Variants in ANTXR2 observed in about 807,000 individuals in gnomAD.
The protein encoded by ANTXR2 is ANTXR cell adhesion molecule 2.
In ANTXR2, 44 loss-of-function variants were observed where a neutral mutation model predicts 73.7. The ratio of observed to expected loss-of-function variants is 0.60; its 90% CI spans 0.47 to 0.77. The LOEUF (loss-of-function observed/expected upper bound fraction) is 0.77. Among genes scored for constraint, ANTXR2 ranks in the 30% least tolerant of loss-of-function variants. ANTXR2 has a pLI of 0.00. For missense variants in ANTXR2, 604 were observed against 592.5 expected, an observed-to-expected ratio of 1.02 and a Z score of -0.20; for synonymous variants, 217 against 205.9, an observed-to-expected ratio of 1.05 and a Z score of -0.46.
At chr4:79,962,204 G>GAAAC (rs1242273066) in intron 16 of ANTXR2, among the ~76,000 whole-genome samples, 2 of 151,998 alleles carry the variant, frequency 1.3e-5, no homozygotes, top group Non-Finnish European at 2.9e-5. Context: ...AACAGTTCAT[G>GAAAC]ATATACACAG....
At chr4:79,923,694 T>G (rs1353029375) in intron 16 of ANTXR2, among the ~76,000 whole-genome samples, 3 of 152,124 alleles carry the variant, frequency 2.0e-5, no homozygotes, top group Admixed American at 2.0e-4. Flanking sequence ...CATGTACACA[T>G]ATAATGAAGT....
rs1408467943 is a variant in ANTXR2 at position 79,926,528 on chromosome 4, T to C, written c.1429-19061A>G. ...AAGAAACATGAAAATGTAAAAAGAT[T>C]TGTAAAGACTTGCATATTAAAGTAA... On this transcript the variant is annotated intron_variant, in intron 16 of 16. Transcript: ENST00000403729. 2.0e-5 allele frequency among the ~76,000 whole-genome samples: 3 copies of C among 152,118 alleles called. No homozygotes were observed. In the East Asian group the frequency reaches 5.8e-4, roughly 29 times the overall value.
At chr4:79,977,416 G>A (rs1355907250) in intron 16 of ANTXR2, 5 of 1,034,608 alleles carry the variant, frequency 4.8e-6, no homozygotes, top group South Asian at 2.1e-5. Flanking sequence ...TCTTGAAAAG[G>A]GAATGGTGTA....
intron 16 of ANTXR2, among the ~76,000 whole-genome samples, chr4:79,973,566 T>A (rs569229924): frequency 1.3e-5 from 2 of 152,262 alleles, no homozygotes; most frequent in South Asian, 4.1e-4. Flanking sequence ...TAGCTGGGAC[T>A]ACAGGTGTGC....
chr4:80,055,861 C>T, intron 4 of ANTXR2, 71 bp downstream of exon 4: 1 of 1,144,980 alleles, frequency 8.7e-7, no homozygotes, highest in South Asian at 1.5e-5. Flanking sequence ...CTGAGCTTTG[C>T]TAGAGGGTTT....
chr4:79,932,519 G>C (rs992171443), intron 16 of ANTXR2, among the ~76,000 whole-genome samples: 1 of 152,102 alleles, frequency 6.6e-6, no homozygotes, highest in Non-Finnish European at 1.5e-5. Flanking sequence ...ATGGCCAGGA[G>C]TGGTGGCTCA....
intron 16 of ANTXR2, among the ~76,000 whole-genome samples, chr4:79,932,792 CAAAAAAAAAAA>C (rs57359650): frequency 1.9e-5 from 1 of 52,366 alleles, no homozygotes; most frequent in African/African-American, 8.7e-5. Flanking sequence ...AACTCCATCT[CAAAAAAAAAAA>C]AAAAAAAAAA....
intron 16 of ANTXR2, among the ~76,000 whole-genome samples, chr4:79,956,768 T>C (rs1346099210): frequency 6.6e-6 from 1 of 151,978 alleles, no homozygotes; most frequent in Non-Finnish European, 1.5e-5. Context: ...CACACAAGTA[T>C]ATGCATGCGC....
At chr4:79,977,960 T>G (rs751365656) in intron 15 of ANTXR2, 47 bp downstream of exon 15, 1 of 1,527,252 alleles carries the variant, frequency 6.5e-7, no homozygotes, top group Non-Finnish European at 8.8e-7. Context: ...AAAGTTACAA[T>G]GTCTCCAGAA....
At position 79,906,994 on chromosome 4, in the gene ANTXR2, C is replaced by T. The variant is rs919668018; in HGVS notation, c.*435G>A. 10 of 210,070 alleles carry T rather than the reference C, an allele frequency of 4.8e-5. No homozygotes were observed. Among genetic ancestry groups the T allele is most frequent in the African/African-American group, 7.2e-5 (3 of 41,902 alleles). The allele number at this position is 210,070 out of a possible 1,614,324, so 13.0% of individuals were successfully genotyped here. On this transcript the variant is annotated 3_prime_UTR_variant, in exon 17 of 17. Coordinates refer to ENST00000403729, the MANE Select transcript of ANTXR2 (RefSeq NM_058172.6). Reference sequence around the variant, plus strand: ...TCATACTCTGCCTATGGATAAAGATCTTGCCACATAAAAACACAAGTGCCA... The same window carrying T: ...TCATACTCTGCCTATGGATAAAGATTTTGCCACATAAAAACACAAGTGCCA...
chr4:80,005,274 C>A (rs1731250377), intron 12 of ANTXR2, among the ~76,000 whole-genome samples: 1 of 152,086 alleles, frequency 6.6e-6, no homozygotes, highest in Admixed American at 6.6e-5. Context: ...GCTCTTTAGT[C>A]ATGTTTCAGT....
chr4:79,998,544 T>A (rs1730847036), intron 12 of ANTXR2, among the ~76,000 whole-genome samples: 1 of 152,002 alleles, frequency 6.6e-6, no homozygotes, highest in Admixed American at 6.6e-5. Flanking sequence ...TAAAACAAAT[T>A]TGCTCTTAAC....
intron 11 of ANTXR2, among the ~76,000 whole-genome samples, chr4:80,018,396 G>A (rs762259878): frequency 6.6e-6 from 1 of 152,014 alleles, no homozygotes; most frequent in Non-Finnish European, 1.5e-5. Context: ...ATATATATTC[G>A]ATGTGGTTAC....
chr4:80,048,280 A>C (rs969877078), intron 7 of ANTXR2, among the ~76,000 whole-genome samples: 3 of 150,880 alleles, frequency 2.0e-5, no homozygotes, highest in African/African-American at 7.3e-5. Flanking sequence ...AAAAAAAAAA[A>C]AACAAAAACA....
At chr4:79,999,114 G>GGA (rs1455345912) in intron 12 of ANTXR2, among the ~76,000 whole-genome samples, 2 of 151,956 alleles carry the variant, frequency 1.3e-5, no homozygotes, top group Non-Finnish European at 2.9e-5. Context: ...ATCTTCTATG[G>GGA]CAGGAGTTTT....
intron 8 of ANTXR2, among the ~76,000 whole-genome samples, chr4:80,034,198 T>C (rs904738872): frequency 6.6e-6 from 1 of 152,074 alleles, no homozygotes; most frequent in Non-Finnish European, 1.5e-5. Flanking sequence ...TGTACCATTA[T>C]TTATAGTAGA....
At position 79,929,403 on chromosome 4, in the gene ANTXR2, C is replaced by A. The variant is rs143938486; in HGVS notation, c.1429-21936G>T. ...TGGCAGATGCCTGTAATCCCAGCTA[C>A]TCTGGAGGCTGAGGCAGAGAATTGC... On this transcript the variant is annotated intron_variant, in intron 16 of 16. Coordinates refer to ENST00000403729, the MANE Select transcript of ANTXR2 (RefSeq NM_058172.6). 8.2e-3 allele frequency among the ~76,000 whole-genome samples: 1,245 copies of A among 152,188 alleles called. 19 individuals are homozygous for A. The highest frequency in any genetic ancestry group is 0.029 in the African/African-American group (1,188 of 41,524).
intron 16 of ANTXR2, among the ~76,000 whole-genome samples, chr4:79,976,293 T>C (rs1326685318): frequency 6.6e-6 from 1 of 152,212 alleles, no homozygotes; most frequent in Non-Finnish European, 1.5e-5. Context: ...GGAATGATCA[T>C]GTTGACACAC....
intron 6 of ANTXR2, among the ~76,000 whole-genome samples, chr4:80,054,722 C>A (rs187164071): frequency 6.6e-6 from 1 of 151,538 alleles, no homozygotes; most frequent in East Asian, 1.9e-4. Context: ...ACCCTCAAAT[C>A]TCATGAAAAA....
Sources: gnomAD v4.1 joint callset for allele counts (sites outside exome capture counted in the v4.1 genomes callset) on GRCh38, gnomAD v4.1.1 for gene constraint, MANE v1.5 for transcripts, NCBI Gene and HGNC (gene_info 2026-07-23, HGNC 2026-07-21) for gene names.